Variants in AOPEP observed in about 807,000 individuals in gnomAD.
AOPEP encodes the protein aminopeptidase O.
A neutral mutation model predicts 98.1 loss-of-function variants in AOPEP; 77 were observed. The ratio of observed to expected loss-of-function variants is 0.78; its 90% confidence interval spans 0.65 to 0.95. The LOEUF is 0.95. Ranked by LOEUF, AOPEP falls within the 40% of genes least tolerant of loss-of-function variation. The pLI is 0.00. For missense variants in AOPEP, 1,024 were observed against 1,024.7 expected, an observed-to-expected ratio of 1.00 and a Z score of 0.01; for synonymous variants, 346 against 365.3, an observed-to-expected ratio of 0.95 and a Z score of 0.60.
the AOPEP span, among the ~76,000 whole-genome samples, chr9:95,137,578 G>T: frequency 2.0e-5 from 3 of 152,176 alleles, no homozygotes; most frequent in South Asian, 6.2e-4. Flanking sequence ...GAGAAGAAAT[G>T]ATTTCTGGAG....
At chr9:95,102,325 T>A in the AOPEP span, among the ~76,000 whole-genome samples, 1 of 152,232 alleles carries the variant, frequency 6.6e-6, no homozygotes, top group Non-Finnish European at 1.5e-5. Flanking sequence ...CAACCGGACC[T>A]ACTTGCTTTT....
At chr9:94,931,800 A>C (rs887647307) in intron 7 of AOPEP, 110 of 1,547,998 alleles carry the variant, frequency 7.1e-5, no homozygotes, top group Non-Finnish European at 8.7e-5. Flanking sequence ...CTGTCCTAAA[A>C]ACGCTTTCTT....
At chr9:94,900,176 A>C (rs1037853676) in intron 5 of AOPEP, among the ~76,000 whole-genome samples, 2 of 152,208 alleles carry the variant, frequency 1.3e-5, no homozygotes, top group East Asian at 3.9e-4. Context: ...ATGTGAGCCA[A>C]CCTCTCAGCC....
chr9:94,808,319 C>T (rs375145897), intron 5 of AOPEP, among the ~76,000 whole-genome samples: 2 of 152,214 alleles, frequency 1.3e-5, no homozygotes, highest in Non-Finnish European at 2.9e-5. Flanking sequence ...GGATTACAGG[C>T]GTGAGCCACC....
the AOPEP span, chr9:95,111,144 C>T: frequency 3.3e-5 from 51 of 1,534,444 alleles, no homozygotes; most frequent in Admixed American, 3.3e-4. Flanking sequence ...CTGCAGGGCA[C>T]GCCTTGGAGG....
Position 95,087,127 on chromosome 9 carries a change from T to C in AOPEP, c.*450T>C, listed in dbSNP as rs1272752470. ...GAACAGGATGAGAATCTAAGATATA[T>C]TATTAATAAATGTAATGGATTTTTT... On this transcript the variant is annotated 3_prime_UTR_variant, in exon 17 of 17. Transcript: ENST00000375315. 6.0e-6 allele frequency: 1 copy of C among 166,206 alleles called. No homozygotes were observed. Among genetic ancestry groups the C allele is most frequent in the Non-Finnish European group, 1.2e-5 (1 of 80,872 alleles). 10.3% of individuals were successfully genotyped at this position (166,206 alleles called of 1,614,324 possible).
At chr9:95,086,132 G>A in intron 16 of AOPEP, 1 of 1,360,804 alleles carries the variant, frequency 7.3e-7, no homozygotes, top group Non-Finnish European at 9.8e-7. Flanking sequence ...AAGTGCCCGA[G>A]GCTCAGGAGA....
chr9:95,048,509 G>C (rs890664154), intron 13 of AOPEP, among the ~76,000 whole-genome samples: 1 of 152,094 alleles, frequency 6.6e-6, no homozygotes, highest in African/African-American at 2.4e-5. Context: ...TCACGGGCGC[G>C]GGACCTGGCC....
chr9:95,101,060 T>G, the AOPEP span: 1 of 234,266 alleles, frequency 4.3e-6, no homozygotes, highest in African/African-American at 2.2e-5. Flanking sequence ...TCCTCTGATG[T>G]CCCAAGGGCC....
intron 13 of AOPEP, among the ~76,000 whole-genome samples, chr9:95,059,248 C>T (rs1043030772): frequency 2.0e-5 from 3 of 152,174 alleles, no homozygotes; most frequent in African/African-American, 4.8e-5. Flanking sequence ...TTGCTGAAGG[C>T]GCCTTGTTTC....
intron 5 of AOPEP, among the ~76,000 whole-genome samples, chr9:94,912,754 T>G (rs1439889860): frequency 6.6e-6 from 1 of 152,218 alleles, no homozygotes; most frequent in African/African-American, 2.4e-5. Flanking sequence ...GTTTCTTCCA[T>G]GTTAAACACG....
chr9:94,755,407 C>T lies in AOPEP; in HGVS notation c.-135-4242C>T, dbSNP rs918527873. Among the ~76,000 whole-genome samples, 5 of 152,084 alleles carry T rather than the reference C, an allele frequency of 3.3e-5. No individual in the cohort carries two copies. In the South Asian group the frequency reaches 6.2e-4, roughly 19 times the overall value. On this transcript the variant is annotated intron_variant, in intron 1 of 16. Coordinates refer to ENST00000375315, the MANE Select transcript of AOPEP (RefSeq NM_001193329.3). ...TGTGACCCTGATTGATGTCAGTGAG[C>T]GTTACGTACTTGCAGAGAGAAAGAT...
At chr9:95,021,618 CAA>C (rs2063463042) in intron 13 of AOPEP, 1 of 152,210 alleles carries the variant, frequency 6.6e-6, no homozygotes, top group African/African-American at 2.4e-5. Flanking sequence ...TGTGTGCATA[CAA>C]GCATGCACAT....
the AOPEP span, among the ~76,000 whole-genome samples, chr9:95,125,933 T>C: frequency 6.6e-6 from 1 of 152,178 alleles, no homozygotes; most frequent in Non-Finnish European, 1.5e-5. Context: ...AACTTAGTAC[T>C]CCATGGTTAA....
At chr9:94,780,219 A>G (rs1471523785) in intron 3 of AOPEP, among the ~76,000 whole-genome samples, 2 of 152,256 alleles carry the variant, frequency 1.3e-5, no homozygotes, top group African/African-American at 4.8e-5. Flanking sequence ...TCTTTTACAG[A>G]AAAAAGTTTT....
intron 10 of AOPEP, among the ~76,000 whole-genome samples, chr9:94,973,081 G>T (rs980536925): frequency 6.6e-6 from 1 of 152,188 alleles, no homozygotes; most frequent in Non-Finnish European, 1.5e-5. Flanking sequence ...TTCCATTCCA[G>T]ACCCTGAGCT....
rs899523089 is a variant in AOPEP at position 94,770,197 on chromosome 9, C to T, written c.798-2805C>T. Reference sequence around the variant, plus strand: ...TATAAGCAAATTAAACAGGTGCATGCCCTCCACCTTTCTCCCTGGACCCAT... The same window carrying T: ...TATAAGCAAATTAAACAGGTGCATGTCCTCCACCTTTCTCCCTGGACCCAT... On this transcript the variant is annotated intron_variant, in intron 2 of 16. Transcript: ENST00000375315. 8.5e-5 allele frequency among the ~76,000 whole-genome samples: 13 copies of T among 152,176 alleles called. 1 individual carries two copies. Among genetic ancestry groups the T allele is most frequent in the African/African-American group, 3.1e-4 (13 of 41,440 alleles).
intron 13 of AOPEP, among the ~76,000 whole-genome samples, chr9:95,053,892 T>C (rs548436255): frequency 1.3e-4 from 20 of 151,938 alleles, no homozygotes; most frequent in African/African-American, 4.3e-4. Flanking sequence ...ATTTTGGGGG[T>C]GGGTAGGGAG....
chr9:95,097,489 G>A, the AOPEP span, among the ~76,000 whole-genome samples: 5 of 152,246 alleles, frequency 3.3e-5, no homozygotes, highest in East Asian at 3.9e-4. Context: ...CCTTTCTCCC[G>A]GCTGGAGTGG....
Sources: allele counts gnomAD v4.1 joint callset (sites outside exome capture counted in the v4.1 genomes callset), GRCh38; gene constraint gnomAD v4.1.1; transcripts MANE v1.5; gene names NCBI Gene and HGNC (gene_info 2026-07-23, HGNC 2026-07-21).